CDC42BPA: variants seen among roughly 807,000 people sequenced by gnomAD.
The protein encoded by CDC42BPA is CDC42 binding protein kinase alpha.
In CDC42BPA, 80 loss-of-function variants were observed where a neutral mutation model predicts 223.5. That is an observed-to-expected ratio of 0.36 (90% CI 0.30 to 0.43). CDC42BPA has a LOEUF of 0.43. CDC42BPA is among the 20% of genes least tolerant of loss of function. The probability of loss-of-function intolerance (pLI) is 1.00; values close to 1 mark genes in which losing one functional copy is unlikely to be tolerated. For synonymous variants in CDC42BPA, 694 were observed against 718.6 expected (o/e 0.97, Z 0.55); for missense variants, 1,743 against 2,099.9 (o/e 0.83, Z 3.32).
At chr1:227,235,595 A>G (rs1678862656) in intron 2 of CDC42BPA, among the ~76,000 whole-genome samples, 1 of 151,724 alleles carries the variant, frequency 6.6e-6, no homozygotes, top group Non-Finnish European at 1.5e-5. Context: ...TTTGGGGGTT[A>G]GATAGAGTTC....
At chr1:227,085,783 G>C (rs1681743518) in intron 16 of CDC42BPA, among the ~76,000 whole-genome samples, 1 of 152,192 alleles carries the variant, frequency 6.6e-6, no homozygotes, top group African/African-American at 2.4e-5. Flanking sequence ...ACCTTAGGGT[G>C]TGCCATTTGC....
Position 227,026,323 on chromosome 1 carries a change from G to A in CDC42BPA, c.4433-171C>T, listed in dbSNP as rs192411302. 3.7e-3 allele frequency among the ~76,000 whole-genome samples: 566 copies of A among 152,202 alleles called. 3 individuals are homozygous for A. The highest frequency in any genetic ancestry group is 0.013 in the African/African-American group (547 of 41,536). On this transcript the variant is annotated intron_variant, in intron 30 of 36. Coordinates refer to ENST00000366766, the MANE Select transcript of CDC42BPA (RefSeq NM_001394014.1). ...TTTTGAAGCAAACAGAACATATATC[G>A]TAAATGAGGAACTGGTATACCATGA...
chr1:227,067,369 AT>A (rs936523572), intron 21 of CDC42BPA, among the ~76,000 whole-genome samples: 6 of 149,278 alleles, frequency 4.0e-5, no homozygotes, highest in East Asian at 2.0e-4. Flanking sequence ...ATATATGTAC[AT>A]TTTTTTTTTG....
chr1:227,078,363 C>T (rs1029983071), intron 17 of CDC42BPA, among the ~76,000 whole-genome samples: 1 of 152,084 alleles, frequency 6.6e-6, no homozygotes, highest in East Asian at 1.9e-4. Context: ...AGTTTTTAAA[C>T]TTTAAATGTT....
intron 1 of CDC42BPA, among the ~76,000 whole-genome samples, chr1:227,266,355 T>C (rs1320829136): frequency 6.6e-6 from 1 of 152,186 alleles, no homozygotes; most frequent in Admixed American, 6.5e-5. Context: ...TACGCTCTTT[T>C]AGGAGCTGTC....
chr1:227,309,203 CA>C (rs35336462), intron 1 of CDC42BPA, among the ~76,000 whole-genome samples: 57,101 of 129,724 alleles, frequency 0.44, 11,847 homozygotes, highest in South Asian at 0.58. Flanking sequence ...CTATCTCTAC[CA>C]AAAAAAAAAA....
chr1:227,189,211 T>C (rs747167306), intron 5 of CDC42BPA, among the ~76,000 whole-genome samples: 17 of 152,080 alleles, frequency 1.1e-4, no homozygotes, highest in Non-Finnish European at 1.8e-4. Flanking sequence ...TTTAGAAATA[T>C]ATGCTTATAC....
chr1:227,282,721 G>C (rs1338521098), intron 1 of CDC42BPA, among the ~76,000 whole-genome samples: 1 of 152,208 alleles, frequency 6.6e-6, no homozygotes, highest in African/African-American at 2.4e-5. Flanking sequence ...TGCAGAACCA[G>C]TGAAATAAGC....
chr1:227,267,546 C>T (rs868231559), intron 1 of CDC42BPA, among the ~76,000 whole-genome samples: 3 of 152,106 alleles, frequency 2.0e-5, no homozygotes, highest in Non-Finnish European at 4.4e-5. Context: ...ATCAGACAGG[C>T]GATTTTCCAG....
At chr1:227,253,525 G>A (rs1460028909) in intron 2 of CDC42BPA, among the ~76,000 whole-genome samples, 1 of 109,626 alleles carries the variant, frequency 9.1e-6, no homozygotes, top group Non-Finnish European at 2.0e-5. Context: ...GAATCCGGGA[G>A]GTGGAGGTTG....
At chr1:227,173,933 G>A (rs567809245) in intron 5 of CDC42BPA, among the ~76,000 whole-genome samples, 2 of 152,194 alleles carry the variant, frequency 1.3e-5, no homozygotes, top group East Asian at 1.9e-4. Context: ...GGTCTAACTG[G>A]AAGGTTTCCT....
chr1:227,141,582 T>G (rs988360644), intron 9 of CDC42BPA, among the ~76,000 whole-genome samples: 9 of 152,184 alleles, frequency 5.9e-5, no homozygotes, highest in Admixed American at 1.3e-4. Flanking sequence ...GTCTGCGGTT[T>G]GCCTCAATCC....
At chr1:227,024,804 G>A (rs1572325496) in intron 31 of CDC42BPA, among the ~76,000 whole-genome samples, 1 of 152,170 alleles carries the variant, frequency 6.6e-6, no homozygotes, top group South Asian at 2.1e-4. Context: ...GGAATGATAA[G>A]CACAACATGA....
At chr1:227,279,241 T>C (rs1013149435) in intron 1 of CDC42BPA, among the ~76,000 whole-genome samples, 7 of 152,152 alleles carry the variant, frequency 4.6e-5, no homozygotes, top group African/African-American at 1.7e-4. Flanking sequence ...AATTTTGAGA[T>C]AATGAAAAAT....
chr1:227,221,863 T>C (rs1023087938), intron 2 of CDC42BPA, among the ~76,000 whole-genome samples: 4 of 151,740 alleles, frequency 2.6e-5, no homozygotes, highest in African/African-American at 9.7e-5. Context: ...AAGCCAGCCA[T>C]AAAACCTAAA....
Position 226,994,236 on chromosome 1 carries a change from C to T in CDC42BPA, c.*32G>A, listed in dbSNP as rs371666866. Reference sequence around the variant, plus strand: ...GTGAGAGGAGGCGAGTGGCAGGGAGCGGAGAGCGAGAGGTCCCAGTGCTGA... The same window carrying T: ...GTGAGAGGAGGCGAGTGGCAGGGAGTGGAGAGCGAGAGGTCCCAGTGCTGA... On this transcript the variant is annotated 3_prime_UTR_variant, in exon 37 of 37. Transcript: ENST00000366766. The surrounding 1 kb of genome is among the most constrained non-coding windows in gnomAD (Gnocchi z 4.0). 15 of 1,547,878 alleles carry T rather than the reference C, an allele frequency of 9.7e-6. No individual in the cohort carries two copies. The highest frequency in any genetic ancestry group is 5.9e-5 in the Admixed American group (3 of 51,156).
rs200692909 is a variant in CDC42BPA at position 226,994,881 on chromosome 1, A to G, written c.5075T>C (p.Leu1692Ser). The change falls in exon 36 of 37, where the codon TTG becomes TCG. Residue 1692 changes from leucine to serine, a missense_variant. This residue lies in a region of CDC42BPA where 200 missense variants were observed against 192.8 expected (regional missense o/e 1.04). Coordinates refer to ENST00000366766, the MANE Select transcript of CDC42BPA (RefSeq NM_001394014.1). The surrounding 1 kb of genome is among the most constrained non-coding windows in gnomAD (Gnocchi z 4.0). ...TCCTTGGTCCATGCCTCCAGAGGACAAAGAGCCCTCTGACGGGGAGGGCAT... is the reference window on the plus strand; with the variant it reads ...TCCTTGGTCCATGCCTCCAGAGGACGAAGAGCCCTCTGACGGGGAGGGCAT... ...QPMPSPSEGS[L>S]SSGGMDQGSD... 1.9e-6 allele frequency: 3 copies of G among 1,613,986 alleles called. No homozygotes were observed. The highest frequency in any genetic ancestry group is 2.5e-6 in the Non-Finnish European group (3 of 1,179,876).
chr1:227,090,485 A>G (rs530563126), intron 16 of CDC42BPA, among the ~76,000 whole-genome samples: 1 of 152,266 alleles, frequency 6.6e-6, no homozygotes, highest in Admixed American at 6.5e-5. Context: ...TTTAAATTTA[A>G]GTAGAATTAT....
At chr1:227,198,453 G>GAAA (rs10659956) in intron 4 of CDC42BPA, among the ~76,000 whole-genome samples, 3 of 98,870 alleles carry the variant, frequency 3.0e-5, no homozygotes, top group Non-Finnish European at 6.0e-5. Context: ...AAAAAAAAAA[G>GAAA]AAAAGAAAGA....
Sources: allele counts gnomAD v4.1 joint callset (sites outside exome capture counted in the v4.1 genomes callset), GRCh38; gene constraint gnomAD v4.1.1; regional missense constraint gnomAD v4.1.1; non-coding constraint Gnocchi (gnomAD v3.1); transcripts MANE v1.5; gene names NCBI Gene and HGNC (gene_info 2026-07-23, HGNC 2026-07-21).